Variants in ITGA2B observed in about 807,000 individuals in gnomAD.
ITGA2B encodes integrin subunit alpha 2b.
ITGA2B carries 91 observed loss-of-function variants against 142.0 expected under a neutral mutation model. The ratio of observed to expected loss-of-function variants is 0.64; its 90% CI spans 0.54 to 0.76. ITGA2B has a LOEUF of 0.76. Ranked by LOEUF, ITGA2B falls within the 30% of genes least tolerant of loss-of-function variation. The probability of loss-of-function intolerance (pLI) is 0.00; values close to 1 mark genes in which losing one functional copy is unlikely to be tolerated. For missense variants in ITGA2B, 1,231 were observed against 1,350.8 expected (o/e 0.91, Z 1.39); for synonymous variants, 536 against 567.2 (o/e 0.94, Z 0.78).
chr17:44,377,094 A>T lies in ITGA2B; in HGVS notation c.2188-6T>A, dbSNP rs1218087590. 1 of 1,567,082 alleles carries T rather than the reference A, an allele frequency of 6.4e-7. No homozygotes were observed. The highest frequency in any genetic ancestry group is 1.2e-5 in the South Asian group (1 of 85,218). On this transcript the variant is annotated splice_region_variant and splice_polypyrimidine_tract_variant and intron_variant, in intron 21 of 29. Transcript: ENST00000262407. ...ACCAACATCGCGATTCCTATCTGGG[A>T]GATGAGGAGGGCCAAGGTCACTGCC... is the stretch of plus-strand genomic sequence containing the variant.
chr17:44,384,566 G>A lies in ITGA2B; in HGVS notation c.819C>T (p.Gly273=), dbSNP rs138275810. 1.2e-5 allele frequency: 20 copies of A among 1,613,948 alleles called. No individual in the cohort carries two copies. The highest frequency in any genetic ancestry group is 1.5e-5 in the Non-Finnish European group (18 of 1,180,046). The change falls in exon 8 of 30, where the codon GGC becomes GGT. Residue 273 remains glycine (G), a synonymous_variant. Transcript: ENST00000262407. The part of the protein sequence containing the change: ...DGYWGYSVAV[G]EFDGDLNTTE... ...TAGTGTTGAGATCCCCGTCGAACTCGCCCACGGCCACCGAGTACCCTGAGG... is the reference window on the plus strand; with the variant it reads ...TAGTGTTGAGATCCCCGTCGAACTCACCCACGGCCACCGAGTACCCTGAGG...
At chr17:44,377,848 C>G (rs2048558809) in intron 20 of ITGA2B, 58 bp from the exon 21 acceptor site, 1 of 1,247,680 alleles carries the variant, frequency 8.0e-7, no homozygotes, top group Non-Finnish European at 1.2e-6. Context: ...TATATTTAAG[C>G]TCCCTTGGAA....
At chr17:44,374,573 C>A (rs902712982) in intron 28 of ITGA2B, 86 bp downstream of exon 28, 2 of 1,516,220 alleles carry the variant, frequency 1.3e-6, no homozygotes, top group Non-Finnish European at 1.8e-6. Flanking sequence ...CCACCCGTAC[C>A]ACCCCTCAGA....
At chr17:44,386,819 G>A (rs905035375) in intron 1 of ITGA2B, among the ~76,000 whole-genome samples, 1 of 152,182 alleles carries the variant, frequency 6.6e-6, no homozygotes, top group Admixed American at 6.5e-5. Context: ...TTGAGACAGG[G>A]TCTCATTCTG....
intron 29 of ITGA2B, among the ~76,000 whole-genome samples, chr17:44,373,159 C>A (rs2143421624): frequency 6.7e-6 from 1 of 150,042 alleles, no homozygotes; most frequent in South Asian, 2.1e-4. Context: ...CTTTTCTTTT[C>A]TTTTGAGATG....
chr17:44,383,204 C>G (rs564946459), intron 12 of ITGA2B, among the ~76,000 whole-genome samples: 2 of 152,292 alleles, frequency 1.3e-5, no homozygotes, highest in Non-Finnish European at 2.9e-5. Context: ...AGTCTCCCAC[C>G]AAGTCCTAAT....
At chr17:44,381,103 G>A in intron 12 of ITGA2B, 42 bp from the exon 13 acceptor site, 1 of 1,593,416 alleles carries the variant, frequency 6.3e-7, no homozygotes, top group Admixed American at 1.7e-5. Context: ...TTGTTATTCA[G>A]CCTCCCTAGA....
Position 44,384,650 on chromosome 17 carries a change from G to A in ITGA2B, c.800-65C>T. ...AAGCACAGAGGGGACGGAGGGCAAA[G>A]AAGGAGGAGATTAAGGCCACTCAGC... On this transcript the variant is annotated intron_variant, in intron 7 of 29. Coordinates refer to ENST00000262407, the MANE Select transcript of ITGA2B (RefSeq NM_000419.5). 1.9e-6 allele frequency: 3 copies of A among 1,575,340 alleles called. No individual in the cohort carries two copies. The South Asian group carries it at 3.3e-5, about 17-fold the overall frequency.
Position 44,379,795 on chromosome 17 carries a change from T to G in ITGA2B, c.1772A>C (p.Asp591Ala), listed in dbSNP as rs778608263. The G allele has an allele frequency of 4.3e-6, 7 of 1,613,770 alleles. No homozygotes were observed. Among genetic ancestry groups the G allele is most frequent in the Non-Finnish European group, 5.9e-6 (7 of 1,180,006 alleles). Reference sequence around the variant, plus strand: ...GCTGAGCACAATGGGGCTCAGCTTGTCCCGGAAGTCTGCCTCATCCTAGGA... The same window carrying G: ...GCTGAGCACAATGGGGCTCAGCTTGGCCCGGAAGTCTGCCTCATCCTAGGA... ...AFLRDEADFR[D>A]KLSPIVLSLN... The change falls in exon 18 of 30, where the codon GAC becomes GCC. Residue 591 changes from aspartate (D) to alanine (A), a missense_variant. Around this residue, in one of 3 missense-constraint regions of ITGA2B, gnomAD observed 908 missense variants for 1,021.1 expected, o/e 0.89. Transcript: ENST00000262407.
intron 21 of ITGA2B, among the ~76,000 whole-genome samples, chr17:44,377,293 T>C (rs2048553598): frequency 6.6e-6 from 1 of 151,908 alleles, no homozygotes; most frequent in Non-Finnish European, 1.5e-5. Flanking sequence ...CCTCCCAGGT[T>C]CAAGTGATTT....
chr17:44,387,378 C>T (rs1010685467), intron 1 of ITGA2B, among the ~76,000 whole-genome samples: 3 of 152,026 alleles, frequency 2.0e-5, no homozygotes, highest in South Asian at 2.1e-4. Context: ...CAAAAATTAG[C>T]CGGGCATGGT....
intron 17 of ITGA2B, 46 bp downstream of exon 17, chr17:44,379,956 G>A: frequency 6.2e-7 from 1 of 1,612,974 alleles, no homozygotes; most frequent in East Asian, 2.2e-5. Flanking sequence ...AGTCCAGTGG[G>A]TAAGTTCTAC....
Position 44,377,752 on chromosome 17 carries a change from A to C in ITGA2B, c.2133T>G (p.Asn711Lys), listed in dbSNP as rs140919615. 58 of 1,613,696 alleles carry C rather than the reference A, an allele frequency of 3.6e-5. No individual in the cohort carries two copies. In the African/African-American group the frequency reaches 5.5e-4, roughly 15 times the overall value. ...GCTCACACAGCACCACCCTGGTCTC[A>C]TTCTCCTTCTTCTGATTACAGATGA... Reference protein sequence around the residue: ...ERLICNQKKENETRVVLCELG... With the variant: ...ERLICNQKKEKETRVVLCELG... Residue 711 changes from asparagine (N) to lysine (K), a missense_variant, in exon 21 of 30, where the codon AAT becomes AAG. Coordinates refer to ENST00000262407, the MANE Select transcript of ITGA2B (RefSeq NM_000419.5).
rs940633753 is a variant in ITGA2B at position 44,374,153 on chromosome 17, G to A, written c.3060+201C>T. On this transcript the variant is annotated intron_variant, in intron 29 of 29. Coordinates refer to ENST00000262407, the MANE Select transcript of ITGA2B (RefSeq NM_000419.5). ...ACTCTTGACCTCAGGTGATCTAAAC[G>A]CTTTGGCCTCCCAAAGTGCTGGGAT... 7 of 614,574 alleles carry A rather than the reference G, an allele frequency of 1.1e-5. 1 individual carries two copies. In the Middle Eastern group the frequency reaches 1.8e-3, roughly 156 times the overall value. 38.1% of individuals were successfully genotyped at this position (614,574 alleles called of 1,614,324 possible).
chr17:44,374,930 C>A, intron 27 of ITGA2B, 68 bp downstream of exon 27: 2 of 1,402,914 alleles, frequency 1.4e-6, no homozygotes, highest in South Asian at 2.5e-5. Context: ...CACCAAACCC[C>A]GCCCCTCCCA....
At chr17:44,385,424 T>TTGAGTCGGCGGGGCCC in intron 4 of ITGA2B, 89 bp from the exon 5 acceptor site, 1 of 1,537,474 alleles carries the variant, frequency 6.5e-7, no homozygotes, top group Non-Finnish European at 8.7e-7. Flanking sequence ...GGGCGGGGCC[T>TTGAGTCGGCGGGGCCC]TGAGTCGGCG....
intron 4 of ITGA2B, 104 bp downstream of exon 4, chr17:44,385,447 G>T (rs1456801885): frequency 3.9e-6 from 6 of 1,523,100 alleles, no homozygotes; most frequent in Non-Finnish European, 5.3e-6. Flanking sequence ...GCCCTGGGGC[G>T]AGGCCAGATC....
rs2143490810 is a variant in ITGA2B, at chr17:44,385,930, C to T, written c.311-9G>A. The T allele has an allele frequency of 6.2e-7, 1 of 1,613,828 alleles. No individual in the cohort carries two copies. ...ATTTCGGGTCTCATCACCTGGAAGG[C>T]ACAAGAAGGGGTGGGGCGCTGAAGC... On this transcript the variant is annotated splice_polypyrimidine_tract_variant and intron_variant, in intron 2 of 29. Coordinates refer to ENST00000262407, the MANE Select transcript of ITGA2B (RefSeq NM_000419.5).
chr17:44,384,409 TC>T, intron 8 of ITGA2B, 55 bp from the exon 9 acceptor site: 1 of 1,610,092 alleles, frequency 6.2e-7, no homozygotes, highest in East Asian at 2.2e-5. Flanking sequence ...CCTACCCACT[TC>T]CCGCTCCCCG....
Sources: gnomAD v4.1 joint callset for allele counts (sites outside exome capture counted in the v4.1 genomes callset) on GRCh38, gnomAD v4.1.1 for gene constraint, gnomAD v4.1.1 regional missense constraint, MANE v1.5 for transcripts, NCBI Gene and HGNC (gene_info 2026-07-23, HGNC 2026-07-21) for gene names.